Variants in SGCZ observed in about 807,000 individuals in gnomAD.
SGCZ encodes the protein zeta-sarcoglycan.
In SGCZ, 40 loss-of-function variants were observed where a neutral mutation model predicts 41.3. The ratio of observed to expected loss-of-function variants is 0.97; its 90% CI spans 0.75 to 1.26. SGCZ has a LOEUF of 1.26. Among genes scored for constraint, SGCZ ranks in the 50% most tolerant of loss-of-function variants. The pLI is 0.00. For synonymous variants in SGCZ, 206 were observed against 137.5 expected (o/e 1.50, Z -3.49); for missense variants, 552 against 369.8 (o/e 1.49, Z -4.04).
chr8:14,271,863 C>A (rs1421089540), intron 3 of SGCZ, among the ~76,000 whole-genome samples: 1 of 152,152 alleles, frequency 6.6e-6, no homozygotes, highest in Non-Finnish European at 1.5e-5. Context: ...AGCTTTACAT[C>A]TCTCTTTATA....
At chr8:15,090,350 T>C (rs1485014641) in intron 1 of SGCZ, among the ~76,000 whole-genome samples, 1 of 152,212 alleles carries the variant, frequency 6.6e-6, no homozygotes, top group Non-Finnish European at 1.5e-5. Context: ...ATCCTGAATA[T>C]GGTTTCTGAG....
chr8:15,025,733 T>C (rs964362229), intron 1 of SGCZ, among the ~76,000 whole-genome samples: 1 of 152,176 alleles, frequency 6.6e-6, no homozygotes, highest in Non-Finnish European at 1.5e-5. Context: ...CTTAGAGCAA[T>C]TTCTGACATA....
At chr8:14,112,968 T>G (rs898806509) in intron 5 of SGCZ, among the ~76,000 whole-genome samples, 3 of 152,108 alleles carry the variant, frequency 2.0e-5, no homozygotes, top group African/African-American at 7.2e-5. Context: ...TTAAAAAGGA[T>G]TGCTTTGAAT....
At chr8:14,718,266 AT>A (rs1403282724) in intron 1 of SGCZ, among the ~76,000 whole-genome samples, 1 of 151,860 alleles carries the variant, frequency 6.6e-6, no homozygotes, top group Non-Finnish European at 1.5e-5. Context: ...TCGTCAGGTA[AT>A]TTTTACAGCA....
At chr8:14,946,815 A>G (rs1020913579) in intron 1 of SGCZ, among the ~76,000 whole-genome samples, 1 of 151,892 alleles carries the variant, frequency 6.6e-6, no homozygotes, top group South Asian at 2.1e-4. Context: ...AGCCAGACCT[A>G]CAGGCACCCA....
intron 1 of SGCZ, among the ~76,000 whole-genome samples, chr8:14,829,255 C>G (rs1350794995): frequency 8.4e-6 from 1 of 118,812 alleles, no homozygotes; most frequent in Non-Finnish European, 1.6e-5. Flanking sequence ...CATGTGTTCT[C>G]AACATTTAGC....
chr8:14,490,149 A>G (rs952332654), intron 2 of SGCZ, among the ~76,000 whole-genome samples: 2 of 152,094 alleles, frequency 1.3e-5, no homozygotes, highest in Non-Finnish European at 2.9e-5. Flanking sequence ...TACAGGTGTG[A>G]GCCACCATGC....
In SGCZ at chr8:14,325,975, G is replaced by C. The variant is rs182748593; in HGVS notation, c.235-1771C>G. On this transcript the variant is annotated intron_variant, in intron 2 of 7. Transcript: ENST00000382080. ...AAAATACAAAAAATTAGCCGGGCTT[G>C]GTGGCGGGCGCCTGTAGTCCCAGGT... Among the ~76,000 whole-genome samples the C allele has an allele frequency of 6.8e-4, 101 of 149,574 alleles. 2 individuals are homozygous for C. The highest frequency in any genetic ancestry group is 2.2e-3 in the African/African-American group (91 of 41,042).
At chr8:14,778,527 A>T (rs1800483205) in intron 1 of SGCZ, among the ~76,000 whole-genome samples, 1 of 152,146 alleles carries the variant, frequency 6.6e-6, no homozygotes, top group Admixed American at 6.6e-5. Context: ...ACACCTTAAA[A>T]AAAAACAGAA....
chr8:14,798,571 T>C (rs754371746), intron 1 of SGCZ, among the ~76,000 whole-genome samples: 1 of 152,204 alleles, frequency 6.6e-6, no homozygotes, highest in Non-Finnish European at 1.5e-5. Context: ...CCAAACACTT[T>C]GGAAATGCTT....
At chr8:14,165,681 G>A (rs916176053) in intron 4 of SGCZ, among the ~76,000 whole-genome samples, 1 of 152,090 alleles carries the variant, frequency 6.6e-6, no homozygotes, top group African/African-American at 2.4e-5. Context: ...ACCCAGCTGA[G>A]TCAGGGAAGT....
At chr8:14,268,861 G>A (rs999164267) in intron 3 of SGCZ, among the ~76,000 whole-genome samples, 2 of 151,684 alleles carry the variant, frequency 1.3e-5, no homozygotes, top group African/African-American at 2.4e-5. Context: ...GTATTAGAAT[G>A]TATCTTGACT....
At chr8:14,704,216 T>C (rs376828349) in intron 1 of SGCZ, among the ~76,000 whole-genome samples, 5 of 152,122 alleles carry the variant, frequency 3.3e-5, no homozygotes, top group African/African-American at 1.2e-4. Flanking sequence ...GTTAGTAAGC[T>C]AATAATAATA....
At chr8:14,171,721 T>A (rs186895789) in intron 4 of SGCZ, among the ~76,000 whole-genome samples, 5 of 151,974 alleles carry the variant, frequency 3.3e-5, no homozygotes, top group Non-Finnish European at 7.4e-5. Context: ...CCTCCTAATA[T>A]ATTTATTTAT....
intron 1 of SGCZ, among the ~76,000 whole-genome samples, chr8:14,857,354 T>A (rs1165786708): frequency 6.6e-6 from 1 of 152,194 alleles, no homozygotes; most frequent in Non-Finnish European, 1.5e-5. Context: ...ATACACTAGA[T>A]AATGAGATTA....
intron 2 of SGCZ, among the ~76,000 whole-genome samples, chr8:14,440,323 T>C (rs1004521504): frequency 6.6e-6 from 1 of 152,116 alleles, no homozygotes; most frequent in Admixed American, 6.6e-5. Context: ...TTCACTTCTT[T>C]GTTCATGTAG....
At chr8:14,442,482 G>A (rs1311941108) in intron 2 of SGCZ, among the ~76,000 whole-genome samples, 1 of 152,134 alleles carries the variant, frequency 6.6e-6, no homozygotes, top group Non-Finnish European at 1.5e-5. Context: ...TTTAATAGCA[G>A]CATGAAAACA....
chr8:14,962,536 T>G (rs1052411780), intron 1 of SGCZ, among the ~76,000 whole-genome samples: 1 of 152,310 alleles, frequency 6.6e-6, no homozygotes, highest in East Asian at 1.9e-4. Context: ...TTATTCAGCT[T>G]GAATAGTTAC....
At chr8:14,297,999 A>T (rs907564085) in intron 3 of SGCZ, among the ~76,000 whole-genome samples, 5 of 152,016 alleles carry the variant, frequency 3.3e-5, no homozygotes, top group Non-Finnish European at 7.4e-5. Flanking sequence ...GCAATAAATA[A>T]GAAGTTATCT....
Sources: gnomAD v4.1 joint callset for allele counts (sites outside exome capture counted in the v4.1 genomes callset) on GRCh38, gnomAD v4.1.1 for gene constraint, MANE v1.5 for transcripts, NCBI Gene and HGNC (gene_info 2026-07-23, HGNC 2026-07-21) for gene names.